Variants in DPP10 observed in about 807,000 individuals in gnomAD.
DPP10 encodes dipeptidyl peptidase like 10, also known as inactive dipeptidyl peptidase 10.
DPP10 carries 33 observed loss-of-function variants against 120.9 expected under a neutral mutation model. The observed-to-expected ratio is 0.27, with a 90% CI of 0.21 to 0.37. The LOEUF is 0.37. Ranked by LOEUF, DPP10 falls within the 10% of genes least tolerant of loss-of-function variation. DPP10 has a pLI of 1.00. For missense variants in DPP10, 816 were observed against 942.8 expected, an observed-to-expected ratio of 0.87 and a Z score of 1.76; for synonymous variants, 337 against 326.1, an observed-to-expected ratio of 1.03 and a Z score of -0.36.
At chr2:114,785,446 G>C (rs1682685639) in intron 1 of DPP10, among the ~76,000 whole-genome samples, 1 of 152,090 alleles carries the variant, frequency 6.6e-6, no homozygotes, top group African/African-American at 2.4e-5. Context: ...TTGTTTTCCA[G>C]AGTGGAAAGA....
chr2:115,080,110 G>A (rs1009011014), intron 1 of DPP10, among the ~76,000 whole-genome samples: 14 of 152,118 alleles, frequency 9.2e-5, no homozygotes, highest in Admixed American at 5.2e-4. Flanking sequence ...CTCTGCCTCC[G>A]GGGTTCAAGC....
At chr2:114,546,016 G>A (rs1020561473) in intron 1 of DPP10, among the ~76,000 whole-genome samples, 2 of 152,014 alleles carry the variant, frequency 1.3e-5, no homozygotes, top group Admixed American at 6.6e-5. Context: ...TTTATTCCTT[G>A]GAAGCAGTTC....
intron 2 of DPP10, among the ~76,000 whole-genome samples, chr2:115,333,377 A>C (rs2062879620): frequency 6.6e-6 from 1 of 151,978 alleles, no homozygotes; most frequent in Non-Finnish European, 1.5e-5. Context: ...CTCTTTATCC[A>C]ATTTGCCAGT....
chr2:114,999,465 T>G (rs1701300693), intron 1 of DPP10, among the ~76,000 whole-genome samples: 1 of 152,206 alleles, frequency 6.6e-6, no homozygotes, highest in Non-Finnish European at 1.5e-5. Context: ...GAGGTTTCCT[T>G]TTGCCTGTTG....
At chr2:115,612,514 A>T (rs1017611220) in intron 5 of DPP10, among the ~76,000 whole-genome samples, 1 of 152,200 alleles carries the variant, frequency 6.6e-6, no homozygotes, top group South Asian at 2.1e-4. Flanking sequence ...TTTCTTCCAC[A>T]TGTATAACAA....
chr2:115,187,204 T>G (rs1436377047), intron 1 of DPP10, among the ~76,000 whole-genome samples: 1 of 149,900 alleles, frequency 6.7e-6, no homozygotes, highest in African/African-American at 2.5e-5. Context: ...GCCCGGCTAA[T>G]TTTTTGTATT....
At chr2:115,248,345 C>T (rs549352266) in intron 1 of DPP10, among the ~76,000 whole-genome samples, 7 of 152,234 alleles carry the variant, frequency 4.6e-5, no homozygotes, top group South Asian at 2.1e-4. Context: ...AGACCTGGCT[C>T]GTGGTTTTAA....
At chr2:115,780,704 A>G (rs929203545) in intron 15 of DPP10, among the ~76,000 whole-genome samples, 170 bp from the exon 16 acceptor site, 2 of 151,848 alleles carry the variant, frequency 1.3e-5, no homozygotes, top group African/African-American at 4.8e-5. Flanking sequence ...TTTTAACATT[A>G]CTAATAGAAG....
At chr2:114,570,715 C>T (rs1437489256) in intron 1 of DPP10, among the ~76,000 whole-genome samples, 1 of 150,746 alleles carries the variant, frequency 6.6e-6, no homozygotes, top group African/African-American at 2.4e-5. Flanking sequence ...CGCCTGTAGT[C>T]CCAGCTACTC....
At chr2:115,488,127 A>C (rs1574991767) in intron 3 of DPP10, among the ~76,000 whole-genome samples, 1 of 26,556 alleles carries the variant, frequency 3.8e-5, no homozygotes, top group Admixed American at 6.8e-4. Context: ...ACACATGAAA[A>C]AATGCTCACC....
rs140877227 is a variant in DPP10 at position 114,576,532 on chromosome 2, C to G, written c.60+133694C>G. ...ATCTCTCTGTCTCTCTTTGATCCAA[C>G]CTTGTGGTTTTCTTACAGGGGGACA... is the stretch of plus-strand genomic sequence containing the variant. On this transcript the variant is annotated intron_variant, in intron 1 of 25. Coordinates refer to ENST00000410059, the MANE Select transcript of DPP10 (RefSeq NM_020868.6). 6.9e-3 allele frequency among the ~76,000 whole-genome samples: 1,053 copies of G among 152,298 alleles called. 7 individuals carry two copies. The highest frequency in any genetic ancestry group is 0.014 in the Middle Eastern group (4 of 294).
At chr2:115,365,078 G>C (rs1277285616) in intron 3 of DPP10, among the ~76,000 whole-genome samples, 1 of 152,056 alleles carries the variant, frequency 6.6e-6, no homozygotes, top group African/African-American at 2.4e-5. Context: ...GACTAATACT[G>C]TTCTTCCAAT....
In DPP10 at chr2:114,467,033, T is replaced by C. The variant is rs575655867; in HGVS notation, c.60+24195T>C. Among the ~76,000 whole-genome samples the C allele has an allele frequency of 3.6e-3, 383 of 105,282 alleles. 2 individuals are homozygous for C. The highest frequency in any genetic ancestry group is 0.013 in the African/African-American group (372 of 28,814). 69.1% of individuals were successfully genotyped at this position (105,282 alleles called of 152,430 possible). ...CCCAGGGCGAGAGAGGAAGACTCCA[T>C]ATCCAAAAAAAAAAAAAAAGGAAAC... On this transcript the variant is annotated intron_variant, in intron 1 of 25. Transcript: ENST00000410059.
intron 1 of DPP10, among the ~76,000 whole-genome samples, chr2:114,877,763 T>G (rs1173806770): frequency 1.3e-5 from 2 of 151,672 alleles, no homozygotes; most frequent in Non-Finnish European, 2.9e-5. Flanking sequence ...CCCTGTGGAG[T>G]CATGAAGCCA....
At chr2:114,988,632 G>A (rs182285880) in intron 1 of DPP10, among the ~76,000 whole-genome samples, 6 of 151,696 alleles carry the variant, frequency 4.0e-5, no homozygotes, top group East Asian at 1.9e-4. Context: ...CTCATCTATC[G>A]TTCGTCAACA....
intron 1 of DPP10, among the ~76,000 whole-genome samples, chr2:114,845,362 T>C (rs532450142): frequency 1.6e-4 from 25 of 152,316 alleles, no homozygotes; most frequent in Non-Finnish European, 2.2e-4. Flanking sequence ...AACTCTTAAC[T>C]TTCTGCTTAG....
At chr2:114,962,712 C>G (rs1383660487) in intron 1 of DPP10, among the ~76,000 whole-genome samples, 1 of 152,122 alleles carries the variant, frequency 6.6e-6, no homozygotes, top group Admixed American at 6.6e-5. Flanking sequence ...TCTCTTGGCA[C>G]CTATTAGCAT....
chr2:114,895,286 T>C (rs752019157), intron 1 of DPP10, among the ~76,000 whole-genome samples: 5 of 152,228 alleles, frequency 3.3e-5, no homozygotes, highest in Non-Finnish European at 7.3e-5. Flanking sequence ...ATTACACAAA[T>C]GTGGATGACA....
At chr2:115,397,726 C>T (rs145001789) in intron 3 of DPP10, among the ~76,000 whole-genome samples, 11 of 152,280 alleles carry the variant, frequency 7.2e-5, no homozygotes, top group African/African-American at 2.4e-4. Flanking sequence ...GCATTTTCTT[C>T]CTGTGCTTTT....
Sources: gnomAD v4.1 joint callset for allele counts (sites outside exome capture counted in the v4.1 genomes callset) on GRCh38, gnomAD v4.1.1 for gene constraint, MANE v1.5 for transcripts, NCBI Gene and HGNC (gene_info 2026-07-23, HGNC 2026-07-21) for gene names.